Variants in RIMS2 observed in about 807,000 individuals in gnomAD.
RIMS2 encodes regulating synaptic membrane exocytosis protein 2.
A neutral mutation model predicts 174.4 loss-of-function variants in RIMS2; 59 were observed. That is an observed-to-expected ratio of 0.34 (90% CI 0.27 to 0.42). The LOEUF (loss-of-function observed/expected upper bound fraction) is 0.42. RIMS2 is among the 10% of genes least tolerant of loss of function. RIMS2 has a pLI of 1.00. For synonymous variants in RIMS2, 606 were observed against 572.5 expected, an observed-to-expected ratio of 1.06 and a Z score of -0.84; for missense variants, 1,620 against 1,666.3, an observed-to-expected ratio of 0.97 and a Z score of 0.48.
At chr8:103,862,401 A>G (rs1282069200) in intron 3 of RIMS2, among the ~76,000 whole-genome samples, 4 of 152,196 alleles carry the variant, frequency 2.6e-5, no homozygotes, top group East Asian at 1.9e-4. Flanking sequence ...ATTTGAAGTC[A>G]GGTAATGTGA....
chr8:103,515,747 A>G (rs1828677123), intron 1 of RIMS2, among the ~76,000 whole-genome samples: 2 of 152,114 alleles, frequency 1.3e-5, no homozygotes, highest in South Asian at 4.1e-4. Flanking sequence ...TTGTCATCGC[A>G]AATTTATACA....
chr8:103,945,304 T>A (rs2154540496), intron 14 of RIMS2, among the ~76,000 whole-genome samples: 1 of 152,202 alleles, frequency 6.6e-6, no homozygotes, highest in East Asian at 1.9e-4. Context: ...AATGAATTGA[T>A]AATGAAAAAA....
At chr8:103,740,876 T>G (rs1344875731) in intron 2 of RIMS2, among the ~76,000 whole-genome samples, 2 of 152,136 alleles carry the variant, frequency 1.3e-5, no homozygotes, top group Non-Finnish European at 1.5e-5. Context: ...TTTTCTTTCC[T>G]TGTTTTTTAT....
chr8:103,675,979 G>A (rs1257329874), intron 1 of RIMS2, among the ~76,000 whole-genome samples: 1 of 152,076 alleles, frequency 6.6e-6, no homozygotes, highest in African/African-American at 2.4e-5. Flanking sequence ...TGAAAAAAAG[G>A]TAGAAAATTT....
At chr8:103,568,659 AT>A in intron 1 of RIMS2, 1 of 646,488 alleles carries the variant, frequency 1.5e-6, no homozygotes. Context: ...TTCTAGAAGC[AT>A]TTCCCTAGAT....
At chr8:104,036,845 C>A (rs2096528939) in intron 19 of RIMS2, among the ~76,000 whole-genome samples, 1 of 152,096 alleles carries the variant, frequency 6.6e-6, no homozygotes, top group South Asian at 2.1e-4. Flanking sequence ...CCACTTCAGT[C>A]CAGCCTGGGC....
At chr8:103,959,034 C>G (rs1361756136) in intron 14 of RIMS2, among the ~76,000 whole-genome samples, 1 of 152,176 alleles carries the variant, frequency 6.6e-6, no homozygotes, top group African/African-American at 2.4e-5. Context: ...CTCTCATCCC[C>G]TTGCACCCTG....
At chr8:103,617,476 A>G (rs1445664594) in intron 1 of RIMS2, among the ~76,000 whole-genome samples, 2 of 152,216 alleles carry the variant, frequency 1.3e-5, no homozygotes, top group Non-Finnish European at 2.9e-5. Flanking sequence ...CAAAGATACC[A>G]AAAGCAATCT....
At chr8:104,156,543 TAA>T (rs758296883) in intron 19 of RIMS2, among the ~76,000 whole-genome samples, 9 of 152,352 alleles carry the variant, frequency 5.9e-5, no homozygotes, top group Admixed American at 3.3e-4. Flanking sequence ...CCTGAGAGCA[TAA>T]GTCTTATTTT....
intron 12 of RIMS2, among the ~76,000 whole-genome samples, chr8:103,934,297 G>A (rs1189893532): frequency 6.6e-6 from 1 of 151,812 alleles, no homozygotes; most frequent in Non-Finnish European, 1.5e-5. Flanking sequence ...ATTATAATTA[G>A]GCTTTTATTT....
At chr8:104,014,874 C>G (rs1420136541) in intron 19 of RIMS2, among the ~76,000 whole-genome samples, 1 of 152,056 alleles carries the variant, frequency 6.6e-6, no homozygotes, top group Admixed American at 6.6e-5. Flanking sequence ...AAACAATACT[C>G]TTAAATAAGT....
At chr8:103,852,122 T>C (rs534118754) in intron 3 of RIMS2, among the ~76,000 whole-genome samples, 5 of 152,080 alleles carry the variant, frequency 3.3e-5, no homozygotes, top group African/African-American at 1.2e-4. Flanking sequence ...AACAGTAGGA[T>C]TGTGATTGCA....
chr8:103,771,171 G>T (rs2098249003), intron 3 of RIMS2, among the ~76,000 whole-genome samples: 1 of 152,124 alleles, frequency 6.6e-6, no homozygotes, highest in Non-Finnish European at 1.5e-5. Flanking sequence ...CGTTGAGTAG[G>T]TGAATACTTA....
rs540345028 is a variant in RIMS2 at position 104,181,483 on chromosome 8, T to C, written c.3335-63433T>C. Among the ~76,000 whole-genome samples the C allele has an allele frequency of 4.0e-5, 6 of 151,762 alleles. No homozygotes were observed. In the South Asian group the frequency reaches 1.2e-3, roughly 31 times the overall value. Reference sequence around the variant, plus strand: ...AATCTGAGCCGTCAACCCTTTCTGTTGTAATTTCATATTATGTATCCCAAA... The same window carrying C: ...AATCTGAGCCGTCAACCCTTTCTGTCGTAATTTCATATTATGTATCCCAAA... On this transcript the variant is annotated intron_variant, in intron 19 of 23. Coordinates refer to ENST00000504942, the Ensembl canonical transcript of RIMS2.
chr8:104,127,532 G>A (rs544968641), intron 19 of RIMS2, among the ~76,000 whole-genome samples: 2 of 152,138 alleles, frequency 1.3e-5, no homozygotes, highest in Non-Finnish European at 2.9e-5. Flanking sequence ...AGACAGTTGG[G>A]TTTGAATCCT....
At chr8:103,776,106 C>A (rs577221802) in intron 3 of RIMS2, among the ~76,000 whole-genome samples, 2 of 152,208 alleles carry the variant, frequency 1.3e-5, no homozygotes, top group East Asian at 3.9e-4. Context: ...TTTGGAAGGT[C>A]TCCATTTTGT....
At chr8:103,544,691 T>G (rs899882880) in intron 1 of RIMS2, among the ~76,000 whole-genome samples, 1 of 152,196 alleles carries the variant, frequency 6.6e-6, no homozygotes, top group Admixed American at 6.5e-5. Flanking sequence ...ATATGGCTTG[T>G]CTGCCAACTG....
chr8:103,999,132 C>A (rs1431781929), intron 17 of RIMS2, among the ~76,000 whole-genome samples: 2 of 151,698 alleles, frequency 1.3e-5, no homozygotes, highest in African/African-American at 4.8e-5. Context: ...GTCACCTTGA[C>A]TGTTGTTTCT....
chr8:103,920,931 G>C (rs538784512), intron 9 of RIMS2: 1 of 308,332 alleles, frequency 3.2e-6, no homozygotes, highest in Non-Finnish European at 6.3e-6. Context: ...CCCGGGAGGC[G>C]GAGCTTGCAG....
Sources: gnomAD v4.1 joint callset for allele counts (sites outside exome capture counted in the v4.1 genomes callset) on GRCh38, gnomAD v4.1.1 for gene constraint, MANE v1.5 for transcripts, NCBI Gene and HGNC (gene_info 2026-07-23, HGNC 2026-07-21) for gene names.